The following RNF121 variants were observed in gnomAD, a reference collection of about 807,000 sequenced individuals.
RNF121 encodes ring finger protein 121.
Under a neutral mutation model 46.5 loss-of-function variants are expected in RNF121, and 21 were observed. The observed-to-expected ratio is 0.45, with a 90% CI of 0.32 to 0.65. RNF121 has a LOEUF of 0.65. Ranked by LOEUF, RNF121 falls within the 30% of genes least tolerant of loss-of-function variation. The probability of loss-of-function intolerance (pLI) is 0.04; values close to 1 mark genes in which losing one functional copy is unlikely to be tolerated. For synonymous variants in RNF121, 139 were observed against 144.7 expected, an observed-to-expected ratio of 0.96 and a Z score of 0.28; for missense variants, 346 against 416.0, an observed-to-expected ratio of 0.83 and a Z score of 1.46.
intron 1 of RNF121, among the ~76,000 whole-genome samples, chr11:71,955,041 T>C (rs1953959822): frequency 6.6e-6 from 1 of 152,236 alleles, no homozygotes; most frequent in East Asian, 1.9e-4. Context: ...GGAACTAATA[T>C]GTTCATGGGA....
chr11:71,932,532 G>A (rs1035726843), intron 1 of RNF121, among the ~76,000 whole-genome samples: 4 of 152,168 alleles, frequency 2.6e-5, no homozygotes, highest in East Asian at 3.8e-4. Flanking sequence ...AATTGATACC[G>A]TATATTTGAT....
chr11:71,934,216 T>C (rs1287967605), intron 1 of RNF121, among the ~76,000 whole-genome samples: 4 of 152,248 alleles, frequency 2.6e-5, no homozygotes, highest in African/African-American at 9.6e-5. Flanking sequence ...GTCCTCAAAC[T>C]TCTGAAACGT....
chr11:71,946,319 G>T (rs568193231), intron 1 of RNF121, among the ~76,000 whole-genome samples: 1 of 152,312 alleles, frequency 6.6e-6, no homozygotes, highest in South Asian at 2.1e-4. Flanking sequence ...TATAACATGG[G>T]TGATGGGTGA....
intron 1 of RNF121, among the ~76,000 whole-genome samples, chr11:71,932,985 A>G (rs1156618456): frequency 2.0e-5 from 3 of 152,238 alleles, no homozygotes; most frequent in Admixed American, 2.0e-4. Context: ...TAAACTGGCC[A>G]TGATGACTGC....
At chr11:71,989,316 G>A (rs1954824890) in intron 5 of RNF121, among the ~76,000 whole-genome samples, 2 of 152,238 alleles carry the variant, frequency 1.3e-5, no homozygotes, top group Admixed American at 1.3e-4. Flanking sequence ...CCTGACCTCA[G>A]GTGATCCACC....
At chr11:71,989,138 G>A (rs539816676) in intron 5 of RNF121, among the ~76,000 whole-genome samples, 2 of 152,258 alleles carry the variant, frequency 1.3e-5, no homozygotes, top group South Asian at 4.1e-4. Context: ...AGGCTAGAGT[G>A]CAGTGGCTCA....
At chr11:71,967,692 A>T (rs984385011) in intron 3 of RNF121, among the ~76,000 whole-genome samples, 3 of 152,054 alleles carry the variant, frequency 2.0e-5, no homozygotes, top group Admixed American at 6.6e-5. Flanking sequence ...AAGTGTTGGG[A>T]TTACAGACAT....
At chr11:71,992,578 CTG>C (rs1207652588) in intron 6 of RNF121, among the ~76,000 whole-genome samples, 1 of 152,160 alleles carries the variant, frequency 6.6e-6, no homozygotes, top group Non-Finnish European at 1.5e-5. Flanking sequence ...TTCCAAGAAA[CTG>C]TCAGTGAAGT....
rs141194893 is a variant in RNF121, at chr11:71,991,631, A to G, written c.627+914A>G. Among the ~76,000 whole-genome samples the G allele has an allele frequency of 5.7e-3, 864 of 152,278 alleles. 5 individuals are homozygous for G. The highest frequency in any genetic ancestry group is 7.1e-3 in the Non-Finnish European group (481 of 68,024). On this transcript the variant is annotated intron_variant, in intron 6 of 8. Transcript: ENST00000361756. Reference sequence around the variant, plus strand: ...ACTATGGAGCTGACTTGAACAATGAATAGCAGTTAAGTGGATGAAGTGAGA... The same window carrying G: ...ACTATGGAGCTGACTTGAACAATGAGTAGCAGTTAAGTGGATGAAGTGAGA...
intron 3 of RNF121, among the ~76,000 whole-genome samples, chr11:71,969,274 GT>G (rs1460672783): frequency 6.6e-6 from 1 of 152,114 alleles, no homozygotes; most frequent in Non-Finnish European, 1.5e-5. Context: ...GGGTGAGTTA[GT>G]TGTGATATAT....
chr11:71,977,888 A>C (rs1041564113), intron 3 of RNF121, among the ~76,000 whole-genome samples: 1 of 152,188 alleles, frequency 6.6e-6, no homozygotes, highest in Non-Finnish European at 1.5e-5. Context: ...ATCAGGCACA[A>C]GTGTGCAAAT....
At chr11:71,984,671 C>G (rs1954732658) in intron 4 of RNF121, among the ~76,000 whole-genome samples, 1 of 151,380 alleles carries the variant, frequency 6.6e-6, no homozygotes, top group African/African-American at 2.4e-5. Flanking sequence ...CTCTGCCTCC[C>G]AGGCTTAGGC....
At chr11:71,931,119 G>A (rs964547816) in intron 1 of RNF121, among the ~76,000 whole-genome samples, 1 of 152,170 alleles carries the variant, frequency 6.6e-6, no homozygotes, top group African/African-American at 2.4e-5. Flanking sequence ...ACAGGTGTGA[G>A]TCACCGCGCC....
intron 1 of RNF121, among the ~76,000 whole-genome samples, chr11:71,955,416 A>G (rs1207088013): frequency 6.6e-6 from 1 of 152,182 alleles, no homozygotes; most frequent in Non-Finnish European, 1.5e-5. Context: ...AAGCACCCAA[A>G]TGATGCTGAT....
At chr11:71,990,534 G>T in intron 5 of RNF121, 63 bp from the exon 6 acceptor site, 1 of 1,588,580 alleles carries the variant, frequency 6.3e-7, no homozygotes, top group Non-Finnish European at 8.6e-7. Flanking sequence ...GTGTCCCAGA[G>T]TAGTAATCCA....
chr11:71,995,263 T>C, intron 7 of RNF121, 187 bp from the exon 8 acceptor site: 1 of 610,294 alleles, frequency 1.6e-6, no homozygotes, highest in Non-Finnish European at 2.9e-6. Flanking sequence ...TTTTGCCCCA[T>C]AACAGTCTTG....
chr11:71,980,569 A>G (rs929304325), intron 3 of RNF121, among the ~76,000 whole-genome samples: 5 of 151,702 alleles, frequency 3.3e-5, no homozygotes, highest in African/African-American at 1.2e-4. Flanking sequence ...CTGGTCTTAA[A>G]CTCCTGACCT....
chr11:71,978,383 G>A (rs1954577519), intron 3 of RNF121: 1 of 185,188 alleles, frequency 5.4e-6, no homozygotes, highest in Admixed American at 6.1e-5. Context: ...GAGATGGCCT[G>A]GGGACCTGAA....
intron 3 of RNF121, among the ~76,000 whole-genome samples, chr11:71,976,676 A>C (rs559929647): frequency 6.7e-4 from 102 of 152,118 alleles, no homozygotes; most frequent in Non-Finnish European, 1.3e-3. Context: ...GTATATTCTT[A>C]GTTAAGCAGG....
Sources: gnomAD v4.1 joint callset for allele counts (sites outside exome capture counted in the v4.1 genomes callset) on GRCh38, gnomAD v4.1.1 for gene constraint, MANE v1.5 for transcripts, NCBI Gene and HGNC (gene_info 2026-07-23, HGNC 2026-07-21) for gene names.